Variants in ADCY10 observed in about 807,000 individuals in gnomAD.
ADCY10 encodes adenylate cyclase type 10.
Under a neutral mutation model 183.3 loss-of-function variants are expected in ADCY10, and 156 were observed. The ratio of observed to expected loss-of-function variants is 0.85; its 90% CI spans 0.75 to 0.97. The LOEUF is 0.97. Among genes scored for constraint, ADCY10 ranks in the 50% least tolerant of loss-of-function variants. The pLI is 0.00. For missense variants in ADCY10, 1,745 were observed against 1,934.3 expected (o/e 0.90, Z 1.84); for synonymous variants, 645 against 670.0 (o/e 0.96, Z 0.58).
At chr1:167,830,574 G>A (rs1247230259) in intron 25 of ADCY10, among the ~76,000 whole-genome samples, 2 of 151,910 alleles carry the variant, frequency 1.3e-5, no homozygotes, top group African/African-American at 4.8e-5. Flanking sequence ...TTGTGTTTTT[G>A]GTAGAGATGG....
chr1:167,891,084 C>T (rs186789362), intron 8 of ADCY10, among the ~76,000 whole-genome samples: 330 of 152,190 alleles, frequency 2.2e-3, no homozygotes, highest in Non-Finnish European at 4.1e-3. Flanking sequence ...GTCTCAGCCT[C>T]CTGAGTAGCT....
rs1410738892 is a variant in ADCY10 at position 167,824,765 on chromosome 1, G to A, written c.3841C>T (p.His1281Tyr). The part of the protein sequence containing the change: ...WFKYEVMAME[H>Y]IFNLPLKGEG... ...CCTTTCAGGGGGAGGTTGAAGATGT[G>A]CTCCATGGCCATGACTTCATATTTG... The change falls in exon 27 of 33, where the codon CAC becomes TAC. Residue 1281 changes from histidine (H) to tyrosine (Y), a missense_variant. Physicochemically the swap from His to Tyr is moderately conservative, Grantham distance 83 (BLOSUM62 2). Coordinates refer to ENST00000367851, the MANE Select transcript of ADCY10 (RefSeq NM_018417.6). The A allele has an allele frequency of 1.2e-6, 2 of 1,614,202 alleles. No homozygotes were observed.
intron 8 of ADCY10, among the ~76,000 whole-genome samples, chr1:167,891,602 G>A (rs976773354): frequency 1.3e-5 from 2 of 149,156 alleles, no homozygotes; most frequent in Admixed American, 6.7e-5. Flanking sequence ...CTTGCAGTGA[G>A]CCAAGATTGC....
At chr1:167,812,022 G>T (rs1363920847) in intron 31 of ADCY10, among the ~76,000 whole-genome samples, 1 of 152,220 alleles carries the variant, frequency 6.6e-6, no homozygotes, top group African/African-American at 2.4e-5. Flanking sequence ...TAGCACAGCT[G>T]CCTGTCCCCC....
Position 167,814,891 on chromosome 1 carries a change from C to T in ADCY10, c.4482+3181G>A, listed in dbSNP as rs143417864. Among the ~76,000 whole-genome samples, 289 of 152,136 alleles carry T rather than the reference C, an allele frequency of 1.9e-3. 1 individual carries two copies. Among genetic ancestry groups the T allele is most frequent in the Non-Finnish European group, 3.1e-3 (213 of 67,988 alleles). ...CTGTAATCCCAGCACTTTGGGAGGC[C>T]GAGGTGGTCGGATCACCTGAGGTCA... is the stretch of plus-strand genomic sequence containing the variant. On this transcript the variant is annotated intron_variant, in intron 31 of 32. Transcript: ENST00000367851.
chr1:167,826,207 GA>G (rs1209745454), intron 26 of ADCY10, among the ~76,000 whole-genome samples: 1 of 152,204 alleles, frequency 6.6e-6, no homozygotes, highest in African/African-American at 2.4e-5. Context: ...AGAAGGTAAG[GA>G]TAGCCAGAAA....
intron 19 of ADCY10, 95 bp from the exon 20 acceptor site, chr1:167,846,358 T>C (rs1439202110): frequency 1.9e-5 from 28 of 1,484,302 alleles, no homozygotes; most frequent in Non-Finnish European, 2.6e-5. Flanking sequence ...CATCCTGCTC[T>C]ACAGTTCTTG....
At position 167,883,418 on chromosome 1, in the gene ADCY10, T is replaced by A. The variant is rs747603784; in HGVS notation, c.1020+19A>T. The A allele has an allele frequency of 1.2e-6, 2 of 1,612,584 alleles. No homozygotes were observed. Among genetic ancestry groups the A allele is most frequent in the South Asian group, 2.2e-5 (2 of 91,048 alleles). On this transcript the variant is annotated intron_variant, in intron 9 of 32. Transcript: ENST00000367851. ...ACCTAAAACTATTGGTAGGTTCCCA[T>A]CCCATAGTTCACACTTACCTTGTCA...
intron 30 of ADCY10, among the ~76,000 whole-genome samples, chr1:167,818,932 T>TG (rs775734446): frequency 6.6e-6 from 1 of 152,130 alleles, no homozygotes; most frequent in Non-Finnish European, 1.5e-5. Context: ...CAAAGAGAGA[T>TG]GATTTAGGCC....
intron 8 of ADCY10, among the ~76,000 whole-genome samples, chr1:167,891,091 A>C (rs1240485056): frequency 2.3e-4 from 35 of 152,042 alleles, no homozygotes. Flanking sequence ...CCTCCTGAGT[A>C]GCTGGGATTA....
chr1:167,829,776 C>T (rs890250737), intron 25 of ADCY10, among the ~76,000 whole-genome samples: 3 of 152,172 alleles, frequency 2.0e-5, no homozygotes, highest in Non-Finnish European at 4.4e-5. Context: ...ATAACTGACT[C>T]CATTTTACAT....
intron 18 of ADCY10, among the ~76,000 whole-genome samples, chr1:167,852,673 C>T (rs933447561): frequency 2.9e-4 from 44 of 151,616 alleles, no homozygotes; most frequent in African/African-American, 8.7e-4. Flanking sequence ...ATCTTTAAAA[C>T]TAATTTGGCC....
intron 8 of ADCY10, among the ~76,000 whole-genome samples, chr1:167,887,492 C>T (rs1474490305): frequency 6.6e-6 from 1 of 151,910 alleles, no homozygotes; most frequent in Non-Finnish European, 1.5e-5. Flanking sequence ...GGGAATTGAA[C>T]AATGAGAACA....
At position 167,822,756 on chromosome 1, in the gene ADCY10, T is replaced by G. The variant is rs978478228; in HGVS notation, c.4168+252A>C. Among the ~76,000 whole-genome samples, 3 of 152,212 alleles carry G rather than the reference T, an allele frequency of 2.0e-5. No homozygotes were observed. The South Asian group carries it at 6.2e-4, about 32-fold the overall frequency. On this transcript the variant is annotated intron_variant, in intron 29 of 32. Transcript: ENST00000367851. ...ACTATCACTTAGGTGCAAATTGATCTGACAGTTTAACTGGCAGCTCATATC... is the reference window on the plus strand; with the variant it reads ...ACTATCACTTAGGTGCAAATTGATCGGACAGTTTAACTGGCAGCTCATATC...
At chr1:167,840,073 GA>G (rs969416245) in intron 21 of ADCY10, among the ~76,000 whole-genome samples, 7 of 148,810 alleles carry the variant, frequency 4.7e-5, no homozygotes, top group African/African-American at 9.8e-5. Flanking sequence ...AAAAAGAAAA[GA>G]AAAAAAAATT....
At chr1:167,902,151 A>G in intron 3 of ADCY10, 97 bp from the exon 4 acceptor site, 1 of 1,199,764 alleles carries the variant, frequency 8.3e-7, no homozygotes, top group Non-Finnish European at 1.2e-6. Flanking sequence ...AGGTCAAAAG[A>G]ACAGTGATTC....
intron 13 of ADCY10, among the ~76,000 whole-genome samples, chr1:167,873,322 A>C (rs1667232879): frequency 6.6e-6 from 1 of 152,188 alleles, no homozygotes; most frequent in Non-Finnish European, 1.5e-5. Flanking sequence ...GAAAGCAGTG[A>C]AAGTGAGGCA....
chr1:167,856,543 A>C, intron 16 of ADCY10, 104 bp from the exon 17 acceptor site: 1 of 1,146,030 alleles, frequency 8.7e-7, no homozygotes, highest in Non-Finnish European at 1.3e-6. Context: ...TGGTTTGCTT[A>C]TGATGCAGCG....
intron 31 of ADCY10, among the ~76,000 whole-genome samples, chr1:167,811,321 G>GCTCATGCCTATAAT (rs1397778208): frequency 1.3e-5 from 2 of 152,222 alleles, no homozygotes; most frequent in Non-Finnish European, 2.9e-5. Context: ...GGGCGCAGTG[G>GCTCATGCCTATAAT]CTCATGCCTA....
Sources: allele counts gnomAD v4.1 joint callset (sites outside exome capture counted in the v4.1 genomes callset), GRCh38; gene constraint gnomAD v4.1.1; transcripts MANE v1.5; gene names NCBI Gene and HGNC (gene_info 2026-07-23, HGNC 2026-07-21).